SUSD4: variants seen among roughly 807,000 people sequenced by gnomAD.
The protein encoded by SUSD4 is sushi domain containing 4, also known as sushi domain-containing protein 4.
Under a neutral mutation model 50.5 loss-of-function variants are expected in SUSD4, and 41 were observed. The observed-to-expected ratio is 0.81, with a 90% CI of 0.63 to 1.05. The LOEUF is 1.05. Among genes scored for constraint, SUSD4 ranks in the 50% least tolerant of loss-of-function variants. The probability of loss-of-function intolerance (pLI) is 0.00; values close to 1 mark genes in which losing one functional copy is unlikely to be tolerated. For synonymous variants in SUSD4, 257 were observed against 257.3 expected (o/e 1.00, Z 0.01); for missense variants, 580 against 634.7 (o/e 0.91, Z 0.93).
intron 2 of SUSD4, among the ~76,000 whole-genome samples, chr1:223,356,198 T>C (rs1668658523): frequency 6.6e-6 from 1 of 151,916 alleles, no homozygotes; most frequent in East Asian, 1.9e-4. Context: ...AGTTTTCTTC[T>C]CTCTTAGGGT....
chr1:223,222,207 C>T lies in SUSD4; in HGVS notation c.1458G>A (p.Met486Ile). Residue 486 changes from methionine (M) to isoleucine (I), a missense_variant, in exon 9 of 9, where the codon ATG (methionine) becomes ATA (isoleucine). Coordinates refer to ENST00000366878, the MANE Select transcript of SUSD4 (RefSeq NM_017982.4). ...GIDIADEIPL[M>I]EEDP ...TTGACCCATATTAGGGATCTTCTTCCATTAGAGGAATCTCTGTAAAAGAAG... is the reference window on the plus strand; with the variant it reads ...TTGACCCATATTAGGGATCTTCTTCTATTAGAGGAATCTCTGTAAAAGAAG... 1 of 1,613,676 alleles carries T rather than the reference C, an allele frequency of 6.2e-7. No homozygotes were observed. Among genetic ancestry groups the T allele is most frequent in the Non-Finnish European group, 8.5e-7 (1 of 1,179,812 alleles).
chr1:223,270,563 G>A (rs1014217808), intron 3 of SUSD4, among the ~76,000 whole-genome samples: 50 of 152,190 alleles, frequency 3.3e-4, no homozygotes, highest in Non-Finnish European at 5.9e-4. Context: ...TTCAGGCCGC[G>A]AAAAGGGGTT....
At chr1:223,259,258 A>G (rs1287225555) in intron 5 of SUSD4, among the ~76,000 whole-genome samples, 1 of 152,128 alleles carries the variant, frequency 6.6e-6, no homozygotes, top group Non-Finnish European at 1.5e-5. Context: ...TTTAAACTCT[A>G]ATCTCCCTAA....
intron 2 of SUSD4, among the ~76,000 whole-genome samples, chr1:223,302,698 G>C (rs1665272077): frequency 6.6e-6 from 1 of 152,146 alleles, no homozygotes; most frequent in African/African-American, 2.4e-5. Context: ...CCGGACCCCA[G>C]GGCTGCCTGG....
At chr1:223,292,059 C>T (rs1344176190) in intron 3 of SUSD4, among the ~76,000 whole-genome samples, 3 of 152,192 alleles carry the variant, frequency 2.0e-5, no homozygotes, top group African/African-American at 7.2e-5. Flanking sequence ...TAATGCACAT[C>T]TTCTGTAGGA....
In SUSD4 at chr1:223,281,920, A is replaced by G. The variant is rs541636260; in HGVS notation, c.361+10519T>C. Among the ~76,000 whole-genome samples the G allele has an allele frequency of 2.5e-3, 388 of 152,362 alleles. 2 individuals are homozygous for G. Among genetic ancestry groups the G allele is most frequent in the African/African-American group, 8.9e-3 (368 of 41,580 alleles). On this transcript the variant is annotated intron_variant, in intron 3 of 8. Coordinates refer to ENST00000366878, the MANE Select transcript of SUSD4 (RefSeq NM_017982.4). ...CAAGTGGGCTTCATCCCTAGGATGC[A>G]AGGCTGGTTCAACATACGCAAATCA... is the stretch of plus-strand genomic sequence containing the variant.
chr1:223,337,065 G>T (rs1245637284), intron 2 of SUSD4, among the ~76,000 whole-genome samples: 1 of 152,164 alleles, frequency 6.6e-6, no homozygotes, highest in Non-Finnish European at 1.5e-5. Flanking sequence ...ACTGGATAAC[G>T]GTATGAGCTG....
intron 3 of SUSD4, among the ~76,000 whole-genome samples, chr1:223,270,016 GA>G (rs1017686966): frequency 6.6e-6 from 1 of 152,172 alleles, no homozygotes; most frequent in African/African-American, 2.4e-5. Flanking sequence ...GCACATCCAG[GA>G]GCTAGGAGGT....
intron 2 of SUSD4, among the ~76,000 whole-genome samples, chr1:223,306,017 G>GA (rs1665514965): frequency 6.6e-6 from 1 of 152,194 alleles, no homozygotes; most frequent in South Asian, 2.1e-4. Context: ...GGCTATGTCT[G>GA]AACAAGTAAA....
At chr1:223,356,959 C>G (rs1443640316) in intron 2 of SUSD4, among the ~76,000 whole-genome samples, 1 of 152,152 alleles carries the variant, frequency 6.6e-6, no homozygotes, top group Non-Finnish European at 1.5e-5. Context: ...TGAAAAAGAA[C>G]CACTCTTAGG....
chr1:223,266,210 G>A (rs1442372454), intron 4 of SUSD4, among the ~76,000 whole-genome samples: 11 of 151,978 alleles, frequency 7.2e-5, no homozygotes, highest in Non-Finnish European at 1.6e-4. Flanking sequence ...TACCCTAAAA[G>A]GTATGGAGCT....
intron 2 of SUSD4, among the ~76,000 whole-genome samples, chr1:223,359,945 C>T (rs1668880674): frequency 1.3e-5 from 2 of 152,146 alleles, no homozygotes; most frequent in Non-Finnish European, 2.9e-5. Context: ...GGGGTAGGCA[C>T]TCAATGTTTA....
intron 5 of SUSD4, among the ~76,000 whole-genome samples, chr1:223,259,512 G>A (rs1661947379): frequency 1.3e-5 from 2 of 152,324 alleles, no homozygotes; most frequent in South Asian, 2.1e-4. Flanking sequence ...GATCTCTGCT[G>A]TTGAAAGAGC....
intron 2 of SUSD4, among the ~76,000 whole-genome samples, chr1:223,345,643 C>T (rs1456051557): frequency 4.6e-5 from 7 of 152,218 alleles, no homozygotes; most frequent in South Asian, 2.1e-4. Context: ...CGCCGACGTC[C>T]GGCTTTCTAT....
intron 5 of SUSD4, among the ~76,000 whole-genome samples, chr1:223,240,919 T>G (rs851215): frequency 0.035 from 5,292 of 152,306 alleles, 251 homozygotes; most frequent in East Asian, 0.11. Flanking sequence ...TTGGTAATGT[T>G]GTGGTGCCAC....
At chr1:223,296,528 G>C (rs1664837356) in intron 2 of SUSD4, among the ~76,000 whole-genome samples, 1 of 152,168 alleles carries the variant, frequency 6.6e-6, no homozygotes, top group Admixed American at 6.5e-5. Context: ...GCAGTCCAAG[G>C]CACAGGTGGG....
intron 2 of SUSD4, among the ~76,000 whole-genome samples, chr1:223,354,907 T>C (rs1339574845): frequency 6.6e-6 from 1 of 152,220 alleles, no homozygotes; most frequent in Non-Finnish European, 1.5e-5. Flanking sequence ...AACAATGCTG[T>C]GGACACAAAG....
intron 3 of SUSD4, among the ~76,000 whole-genome samples, chr1:223,282,440 C>A (rs1663810579): frequency 6.6e-6 from 1 of 152,066 alleles, no homozygotes; most frequent in African/African-American, 2.4e-5. Context: ...TCTTATACAC[C>A]AATAACAGAC....
At chr1:223,242,589 C>T (rs551772928) in intron 5 of SUSD4, among the ~76,000 whole-genome samples, 67 of 152,344 alleles carry the variant, frequency 4.4e-4, no homozygotes, top group African/African-American at 1.5e-3. Context: ...GGCAGGATGC[C>T]TGATAGTGAC....
Sources: allele counts gnomAD v4.1 joint callset (sites outside exome capture counted in the v4.1 genomes callset), GRCh38; gene constraint gnomAD v4.1.1; transcripts MANE v1.5; gene names NCBI Gene and HGNC (gene_info 2026-07-23, HGNC 2026-07-21).